LRRC4C: variants seen among roughly 807,000 people sequenced by gnomAD.
The protein encoded by LRRC4C is leucine rich repeat containing 4C.
In LRRC4C, 5 loss-of-function variants were observed where a neutral mutation model predicts 33.6. That is an observed-to-expected ratio of 0.15 (90% CI 0.08 to 0.31). The LOEUF (loss-of-function observed/expected upper bound fraction) is 0.31, where lower values mean the gene tolerates loss of function less well. Among genes scored for constraint, LRRC4C ranks in the 10% least tolerant of loss-of-function variants. The probability of loss-of-function intolerance (pLI) is 1.00; values close to 1 mark genes in which losing one functional copy is unlikely to be tolerated. For synonymous variants in LRRC4C, 329 were observed against 302.0 expected, an observed-to-expected ratio of 1.09 and a Z score of -0.93; for missense variants, 560 against 796.7, an observed-to-expected ratio of 0.70 and a Z score of 3.58.
At chr11:40,496,485 G>A (rs1954465559) in intron 3 of LRRC4C, among the ~76,000 whole-genome samples, 1 of 152,078 alleles carries the variant, frequency 6.6e-6, no homozygotes. Context: ...CTGAATATAG[G>A]AAAACCTATT....
At position 41,404,482 on chromosome 11, in the gene LRRC4C, C is replaced by CTGTGTG. The variant is rs144992211; in HGVS notation, c.-496+54943_-496+54948dup. 4.1e-5 allele frequency among the ~76,000 whole-genome samples: 6 copies of CTGTGTG among 146,072 alleles called. No homozygotes were observed. The South Asian group carries it at 6.7e-4, about 16-fold the overall frequency. On this transcript the variant is annotated intron_variant, in intron 1 of 6. Transcript: ENST00000528697. ...ACCCCAGGGCTATGTGTGTGTGTGT[C>CTGTGTG]TGTGTGTGTGTGTGTATACACACAG... is the stretch of plus-strand genomic sequence containing the variant.
intron 3 of LRRC4C, among the ~76,000 whole-genome samples, chr11:40,386,848 G>A (rs1019906358): frequency 3.3e-5 from 5 of 152,050 alleles, no homozygotes; most frequent in East Asian, 1.9e-4. Flanking sequence ...TTGGAAAGCC[G>A]ACATACATAA....
At chr11:40,927,305 C>T (rs142436002) in intron 2 of LRRC4C, among the ~76,000 whole-genome samples, 3 of 150,922 alleles carry the variant, frequency 2.0e-5, no homozygotes, top group Non-Finnish European at 4.4e-5. Flanking sequence ...ACCCGAGAGG[C>T]GGAGGTTGCA....
At chr11:41,332,772 G>A (rs1206073924) in intron 1 of LRRC4C, among the ~76,000 whole-genome samples, 2 of 152,064 alleles carry the variant, frequency 1.3e-5, no homozygotes, top group Non-Finnish European at 2.9e-5. Context: ...TAGCAACTTG[G>A]GGTTTGCCTC....
At chr11:41,446,401 T>C (rs1338022765) in intron 1 of LRRC4C, among the ~76,000 whole-genome samples, 1 of 152,202 alleles carries the variant, frequency 6.6e-6, no homozygotes, top group African/African-American at 2.4e-5. Flanking sequence ...CTTTACTCAC[T>C]CATGCACCTG....
intron 5 of LRRC4C, among the ~76,000 whole-genome samples, chr11:40,151,455 C>CA (rs1179423859): frequency 1.2e-4 from 19 of 152,024 alleles, no homozygotes; most frequent in Non-Finnish European, 2.6e-4. Flanking sequence ...GTCAGATACA[C>CA]AAAAAAATTT....
chr11:40,534,480 T>C (rs984599241), intron 3 of LRRC4C, among the ~76,000 whole-genome samples: 6 of 152,186 alleles, frequency 3.9e-5, no homozygotes, highest in African/African-American at 1.4e-4. Flanking sequence ...AAGCCTTGTT[T>C]GCCTGCTTTC....
At chr11:40,483,385 T>G (rs530017843) in intron 3 of LRRC4C, among the ~76,000 whole-genome samples, 1 of 152,262 alleles carries the variant, frequency 6.6e-6, no homozygotes, top group Admixed American at 6.5e-5. Context: ...GGGATCATGG[T>G]GTAGTGACCA....
rs2134563977 is a variant in LRRC4C at position 40,114,935 on chromosome 11, T to A, written c.1358A>T (p.Tyr453Phe). Residue 453 changes from tyrosine (Y) to phenylalanine (F), a missense_variant, in exon 7 of 7, where the codon TAC (tyrosine) becomes TTC (phenylalanine). Physicochemically the swap from Tyr to Phe is conservative, Grantham distance 22 (BLOSUM62 3). Coordinates refer to ENST00000528697, the MANE Select transcript of LRRC4C (RefSeq NM_001258419.2). ...AGTCTCTACTGTGACGGTTGAAAAGTAAGAGAAAGGAGTAGTGGTTGCTGC... is the reference window on the plus strand; with the variant it reads ...AGTCTCTACTGTGACGGTTGAAAAGAAAGAGAAAGGAGTAGTGGTTGCTGC... ...VTAATTTPFS[Y>F]FSTVTVETME... is the part of the protein sequence containing the mutation. 6.2e-7 allele frequency: 1 copy of A among 1,614,154 alleles called. No homozygotes were observed. The highest frequency in any genetic ancestry group is 8.5e-7 in the Non-Finnish European group (1 of 1,180,024).
intron 6 of LRRC4C, among the ~76,000 whole-genome samples, chr11:40,120,718 A>C (rs1855763154): frequency 6.6e-6 from 1 of 152,154 alleles, no homozygotes; most frequent in African/African-American, 2.4e-5. Flanking sequence ...GGTTGACTGG[A>C]AATAGCACAA....
rs1565542352 is a variant in LRRC4C, at chr11:41,279,421, CACA to C, written c.-496+180007_-496+180009del. ...ACACACACACACACACACACACACA[CACA>C]CACACCGTGGCAATCACTGCCTGCA... is the stretch of plus-strand genomic sequence containing the variant. On this transcript the variant is annotated intron_variant, in intron 1 of 6. Coordinates refer to ENST00000528697, the MANE Select transcript of LRRC4C (RefSeq NM_001258419.2). 1.8e-3 allele frequency among the ~76,000 whole-genome samples: 262 copies of C among 143,282 alleles called. 7 individuals carry two copies. The East Asian group carries it at 0.045, about 24-fold the overall frequency. 94.0% of individuals were successfully genotyped at this position (143,282 alleles called of 152,430 possible). A position where few individuals can be genotyped will look rare whatever the true frequency, so the allele number is the denominator to read the frequency against.
intron 1 of LRRC4C, among the ~76,000 whole-genome samples, chr11:41,328,148 A>G (rs2094292055): frequency 6.6e-6 from 1 of 152,154 alleles, no homozygotes; most frequent in Admixed American, 6.5e-5. Flanking sequence ...ACTCTGCCAC[A>G]TTGATATTAT....
chr11:41,039,421 C>T (rs768388663), intron 1 of LRRC4C, among the ~76,000 whole-genome samples: 2 of 152,080 alleles, frequency 1.3e-5, no homozygotes, highest in Non-Finnish European at 2.9e-5. Flanking sequence ...TTTTACAGAG[C>T]GAGGCCTAAG....
chr11:41,094,125 A>G (rs1322413317), intron 1 of LRRC4C, among the ~76,000 whole-genome samples: 3 of 151,276 alleles, frequency 2.0e-5, no homozygotes, highest in African/African-American at 7.3e-5. Context: ...CGGGGGAAAA[A>G]AAAAAAGTGA....
chr11:40,782,283 GTTAC>G (rs1394046784), intron 2 of LRRC4C, among the ~76,000 whole-genome samples: 1 of 152,084 alleles, frequency 6.6e-6, no homozygotes, highest in Non-Finnish European at 1.5e-5. Flanking sequence ...AGTGGAAACA[GTTAC>G]TACCCGTCCT....
At chr11:40,161,531 A>G (rs1437470730) in intron 5 of LRRC4C, among the ~76,000 whole-genome samples, 1 of 152,188 alleles carries the variant, frequency 6.6e-6, no homozygotes, top group Non-Finnish European at 1.5e-5. Flanking sequence ...AGGCGGGCAG[A>G]CTGCCTGAGC....
At chr11:40,803,768 C>T (rs982685672) in intron 2 of LRRC4C, among the ~76,000 whole-genome samples, 11 of 152,124 alleles carry the variant, frequency 7.2e-5, no homozygotes, top group South Asian at 2.1e-4. Flanking sequence ...CCACCACGCC[C>T]GGCCTAATTT....
chr11:40,930,366 C>G (rs1429915414), intron 2 of LRRC4C, among the ~76,000 whole-genome samples: 2 of 152,120 alleles, frequency 1.3e-5, no homozygotes, highest in Non-Finnish European at 1.5e-5. Flanking sequence ...ATTGCTCTAG[C>G]CTTTACAGGT....
rs58970527 is a variant in LRRC4C, at chr11:41,366,199, C to CAGAT, written c.-496+93228_-496+93231dup. Among the ~76,000 whole-genome samples, 963 of 148,780 alleles carry CAGAT rather than the reference C, an allele frequency of 6.5e-3. 7 individuals carry two copies. Among genetic ancestry groups the CAGAT allele is most frequent in the East Asian group, 0.02 (102 of 5,000 alleles). On this transcript the variant is annotated intron_variant, in intron 1 of 6. Transcript: ENST00000528697. ...ATATCTAGATAGATAGATAGATAGA[C>CAGAT]AGATAGATAGATAGATAGATAGATA...
Sources: allele counts gnomAD v4.1 joint callset (sites outside exome capture counted in the v4.1 genomes callset), GRCh38; gene constraint gnomAD v4.1.1; transcripts MANE v1.5; gene names NCBI Gene and HGNC (gene_info 2026-07-23, HGNC 2026-07-21).